FRMPD2: variants seen among roughly 807,000 people sequenced by gnomAD.
FRMPD2 encodes FERM and PDZ domain containing 2.
In FRMPD2, 96 loss-of-function variants were observed where a neutral mutation model predicts 140.1. The observed-to-expected ratio is 0.69, with a 90% CI of 0.58 to 0.81. The LOEUF (loss-of-function observed/expected upper bound fraction) is 0.81. Ranked by LOEUF, FRMPD2 falls within the 40% of genes least tolerant of loss-of-function variation. FRMPD2 has a pLI of 0.00. For synonymous variants in FRMPD2, 449 were observed against 547.6 expected, an observed-to-expected ratio of 0.82 and a Z score of 2.52; for missense variants, 1,240 against 1,447.4, an observed-to-expected ratio of 0.86 and a Z score of 2.32.
chr10:48,185,738 G>A lies in FRMPD2; in HGVS notation c.2267-93C>T, dbSNP rs773153301. 8.2e-5 allele frequency: 72 copies of A among 877,898 alleles called. 1 individual carries two copies. Among genetic ancestry groups the A allele is most frequent in the Non-Finnish European group, 1.2e-4 (63 of 518,424 alleles). The allele number at this position is 877,898 out of a possible 1,614,324, so 54.4% of individuals were successfully genotyped here. ...AGTAAACAGCATTTCACACACATGCGCGCACACACATTCACACGCACACAA... is the reference window on the plus strand; with the variant it reads ...AGTAAACAGCATTTCACACACATGCACGCACACACATTCACACGCACACAA... On this transcript the variant is annotated intron_variant, in intron 17 of 28. Coordinates refer to ENST00000374201, the MANE Select transcript of FRMPD2 (RefSeq NM_001018071.4).
At position 48,274,672 on chromosome 10, in the gene FRMPD2, A is replaced by G; in HGVS notation, c.-105T>C. ...GTCCGCGGAGCTCCCTGCCACCAGCACTGTTGCCGCTGTCTTTGTTTACTG... is the reference window on the plus strand; with the variant it reads ...GTCCGCGGAGCTCCCTGCCACCAGCGCTGTTGCCGCTGTCTTTGTTTACTG... On this transcript the variant is annotated 5_prime_UTR_variant, in exon 1 of 29. Transcript: ENST00000374201. 9.6e-7 allele frequency: 1 copy of G among 1,038,616 alleles called. No homozygotes were observed. Among genetic ancestry groups the G allele is most frequent in the Non-Finnish European group, 1.5e-6 (1 of 672,938 alleles). 64.3% of individuals were successfully genotyped at this position (1,038,616 alleles called of 1,614,324 possible).
Position 48,274,664 on chromosome 10 carries a change from C to A in FRMPD2, c.-97G>T, listed in dbSNP as rs1188176450. 8.9e-7 allele frequency: 1 copy of A among 1,121,184 alleles called. No homozygotes were observed. Among genetic ancestry groups the A allele is most frequent in the African/African-American group, 1.5e-5 (1 of 64,628 alleles). 69.5% of individuals were successfully genotyped at this position (1,121,184 alleles called of 1,614,324 possible). A position where few individuals can be genotyped will look rare whatever the true frequency, so the allele number is the denominator to read the frequency against. On this transcript the variant is annotated 5_prime_UTR_variant, in exon 1 of 29. Transcript: ENST00000374201. ...GCAAGTCTGTCCGCGGAGCTCCCTGCCACCAGCACTGTTGCCGCTGTCTTT... is the reference window on the plus strand; with the variant it reads ...GCAAGTCTGTCCGCGGAGCTCCCTGACACCAGCACTGTTGCCGCTGTCTTT...
intron 1 of FRMPD2, among the ~76,000 whole-genome samples, chr10:48,259,665 C>T (rs1385833445): frequency 2.7e-5 from 4 of 150,542 alleles, no homozygotes; most frequent in Non-Finnish European, 5.9e-5. Flanking sequence ...TGTGAGTATA[C>T]ACACATACAC....
Position 48,185,601 on chromosome 10 carries a change from G to T in FRMPD2, c.2311C>A (p.Arg771=), listed in dbSNP as rs377750742. 2 of 1,614,010 alleles carry T rather than the reference G, an allele frequency of 1.2e-6. No individual in the cohort carries two copies. The highest frequency in any genetic ancestry group is 1.6e-4 in the Middle Eastern group (1 of 6,062). Reference sequence around the variant, plus strand: ...TTCAGTGTCACACGTACAATTTCTCGGCCCGGTTCAGCTATAAAGCTCTTC... The same window carrying T: ...TTCAGTGTCACACGTACAATTTCTCTGCCCGGTTCAGCTATAAAGCTCTTC... The part of the protein sequence containing the change: ...RRKSFIAEPG[R]EIVRVTLKRD... Residue 771 remains arginine, a synonymous_variant, in exon 18 of 29, where the codon CGA becomes AGA. Transcript: ENST00000374201.
chr10:48,191,500 C>A (rs1003042234), intron 16 of FRMPD2, among the ~76,000 whole-genome samples: 2 of 152,168 alleles, frequency 1.3e-5, no homozygotes, highest in Non-Finnish European at 2.9e-5. Context: ...ATGCTCGAAA[C>A]CGTTTTGCCT....
chr10:48,183,226 CT>C (rs369553971), intron 20 of FRMPD2, among the ~76,000 whole-genome samples: 6 of 152,280 alleles, frequency 3.9e-5, no homozygotes, highest in African/African-American at 1.2e-4. Flanking sequence ...CAAGGGAAAA[CT>C]GTACAACACC....
chr10:48,159,636 T>C (rs1266437277), intron 28 of FRMPD2, among the ~76,000 whole-genome samples: 1 of 151,870 alleles, frequency 6.6e-6, no homozygotes, highest in Non-Finnish European at 1.5e-5. Flanking sequence ...CCAGAAGGTA[T>C]ATCATAACTT....
intron 10 of FRMPD2, among the ~76,000 whole-genome samples, chr10:48,227,649 T>C (rs2131915605): frequency 6.6e-6 from 1 of 152,352 alleles, no homozygotes; most frequent in East Asian, 1.9e-4. Context: ...ACAATTGAAG[T>C]GGTTATACCT....
Position 48,240,243 on chromosome 10 carries a change from G to A in FRMPD2, c.700+117C>T, listed in dbSNP as rs976019646. 6 of 1,139,516 alleles carry A rather than the reference G, an allele frequency of 5.3e-6. No individual in the cohort carries two copies. In the East Asian group the frequency reaches 1.2e-4, roughly 24 times the overall value. 70.6% of individuals were successfully genotyped at this position (1,139,516 alleles called of 1,614,324 possible). On this transcript the variant is annotated intron_variant, in intron 6 of 28. Coordinates refer to ENST00000374201, the MANE Select transcript of FRMPD2 (RefSeq NM_001018071.4). ...CTCTTCAGGGGCTTCCTGAAAGAGT[G>A]GCACTTACATAGGCTTTCTCTGCCA...
intron 21 of FRMPD2, among the ~76,000 whole-genome samples, chr10:48,178,353 T>C (rs1408747777): frequency 6.6e-6 from 1 of 152,152 alleles, no homozygotes; most frequent in Non-Finnish European, 1.5e-5. Flanking sequence ...GAGGGAGTGA[T>C]GGGCTGGGCT....
chr10:48,274,593 G>A lies in FRMPD2; in HGVS notation c.-26C>T, dbSNP rs1840822385. The A allele has an allele frequency of 1.2e-6, 2 of 1,613,068 alleles. No homozygotes were observed. Among genetic ancestry groups the A allele is most frequent in the South Asian group, 1.1e-5 (1 of 91,024 alleles). ...CCAAAAGTCTCCGTGACCAGGTCTA[G>A]GCCTTCATCATGGGACAACTTTCCA... On this transcript the variant is annotated 5_prime_UTR_variant, in exon 1 of 29. Transcript: ENST00000374201.
intron 16 of FRMPD2, 41 bp downstream of exon 16, chr10:48,192,643 C>T (rs1039969947): frequency 1.3e-6 from 2 of 1,525,624 alleles, no homozygotes; most frequent in Non-Finnish European, 1.8e-6. Context: ...CCATCAAGCA[C>T]ATGGTGGTTT....
At chr10:48,182,699 A>G (rs1564417374) in intron 20 of FRMPD2, among the ~76,000 whole-genome samples, 1 of 90,660 alleles carries the variant, frequency 1.1e-5, no homozygotes, top group East Asian at 6.0e-4. Context: ...TGGGAAACTC[A>G]TTGTCTGGAA....
At chr10:48,174,481 C>T (rs1314624114) in intron 24 of FRMPD2, among the ~76,000 whole-genome samples, 1 of 152,052 alleles carries the variant, frequency 6.6e-6, no homozygotes, top group African/African-American at 2.4e-5. Context: ...GTGGGGTCAT[C>T]CTATGCAAAC....
Position 48,228,299 on chromosome 10 carries a change from A to T in FRMPD2, c.1168+3816T>A, listed in dbSNP as rs180848909. On this transcript the variant is annotated intron_variant, in intron 10 of 28. Coordinates refer to ENST00000374201, the MANE Select transcript of FRMPD2 (RefSeq NM_001018071.4). ...TAGAGTATAAGTAAGCTTTTCAACA[A>T]TGATTATGTTTTATAAGATATATCT... Among the ~76,000 whole-genome samples the T allele has an allele frequency of 1.9e-3, 290 of 152,004 alleles. 1 individual carries two copies. The highest frequency in any genetic ancestry group is 4.7e-3 in the Middle Eastern group (1 of 214).
chr10:48,210,597 T>C (rs1298367918), intron 13 of FRMPD2, among the ~76,000 whole-genome samples: 1 of 152,202 alleles, frequency 6.6e-6, no homozygotes, highest in African/African-American at 2.4e-5. Flanking sequence ...CATTATCAGA[T>C]GGCTTTGAAG....
chr10:48,235,391 T>C (rs191688224), intron 9 of FRMPD2, among the ~76,000 whole-genome samples: 4 of 152,354 alleles, frequency 2.6e-5, no homozygotes, highest in African/African-American at 9.6e-5. Flanking sequence ...CCACGTGCAC[T>C]GACCAGTTTG....
intron 5 of FRMPD2, among the ~76,000 whole-genome samples, chr10:48,241,448 C>T (rs896362335): frequency 3.9e-5 from 6 of 152,258 alleles, no homozygotes; most frequent in African/African-American, 1.2e-4. Flanking sequence ...GGACCAACTC[C>T]ATGGTGCCAT....
Position 48,179,666 on chromosome 10 carries a change from A to C in FRMPD2, c.2790+1137T>G, listed in dbSNP as rs1306550144. Among the ~76,000 whole-genome samples the C allele has an allele frequency of 1.8e-3, 271 of 151,974 alleles. 1 individual carries two copies. The highest frequency in any genetic ancestry group is 5.7e-3 in the African/African-American group (236 of 41,322). On this transcript the variant is annotated intron_variant, in intron 21 of 28. Transcript: ENST00000374201. ...TCTTTAGTTACAGGGGTCCCAGCTG[A>C]TGAAGCTAAGATGAGTAGAAGAAAG... is the stretch of plus-strand genomic sequence containing the variant.
Sources: gnomAD v4.1 joint callset for allele counts (sites outside exome capture counted in the v4.1 genomes callset) on GRCh38, gnomAD v4.1.1 for gene constraint, MANE v1.5 for transcripts, NCBI Gene and HGNC (gene_info 2026-07-23, HGNC 2026-07-21) for gene names.